UNC5C: variants seen among roughly 807,000 people sequenced by gnomAD.
UNC5C encodes netrin receptor UNC5C.
Under a neutral mutation model 99.8 loss-of-function variants are expected in UNC5C, and 47 were observed. That is an observed-to-expected ratio of 0.47 (90% CI 0.37 to 0.60). The LOEUF (loss-of-function observed/expected upper bound fraction) is 0.60. Ranked by LOEUF, UNC5C falls within the 20% of genes least tolerant of loss-of-function variation. UNC5C has a pLI of 0.00. For missense variants in UNC5C, 1,062 were observed against 1,165.9 expected, an observed-to-expected ratio of 0.91 and a Z score of 1.30; for synonymous variants, 487 against 452.2, an observed-to-expected ratio of 1.08 and a Z score of -0.98.
chr4:95,295,350 T>C (rs953245414), intron 3 of UNC5C, among the ~76,000 whole-genome samples: 3 of 152,202 alleles, frequency 2.0e-5, no homozygotes, highest in African/African-American at 7.2e-5. Context: ...CTAGGAAATT[T>C]GGCACTGCTG....
Position 95,420,895 on chromosome 4 carries a change from A to G in UNC5C, c.125-85264T>C, listed in dbSNP as rs546843347. Reference sequence around the variant, plus strand: ...TGCTTTGATCAAATTCTATAAAATCATGGGATTAGCACTTAAGATTATGAA... The same window carrying G: ...TGCTTTGATCAAATTCTATAAAATCGTGGGATTAGCACTTAAGATTATGAA... On this transcript the variant is annotated intron_variant, in intron 1 of 15. Transcript: ENST00000453304. 6.6e-5 allele frequency among the ~76,000 whole-genome samples: 10 copies of G among 152,334 alleles called. No homozygotes were observed. The South Asian group carries it at 2.1e-3, about 32-fold the overall frequency.
chr4:95,389,545 T>C (rs767931681), intron 1 of UNC5C, among the ~76,000 whole-genome samples: 20 of 152,242 alleles, frequency 1.3e-4, no homozygotes, highest in Admixed American at 2.6e-4. Flanking sequence ...ATATAACTTA[T>C]TAACTGAATT....
chr4:95,308,703 G>C (rs1742149500), intron 2 of UNC5C, among the ~76,000 whole-genome samples: 1 of 121,106 alleles, frequency 8.3e-6, no homozygotes, highest in Non-Finnish European at 1.6e-5. Flanking sequence ...AGTGATTCGA[G>C]ATTGTGCCAC....
At chr4:95,366,616 G>A (rs544398638) in intron 1 of UNC5C, among the ~76,000 whole-genome samples, 1 of 152,192 alleles carries the variant, frequency 6.6e-6, no homozygotes, top group East Asian at 1.9e-4. Flanking sequence ...GCAATTATTG[G>A]TAGGACCTTT....
chr4:95,424,523 T>C (rs924212412), intron 1 of UNC5C, among the ~76,000 whole-genome samples: 148 of 128,630 alleles, frequency 1.2e-3, no homozygotes, highest in East Asian at 0.011. Context: ...CTTTTCTTTT[T>C]TTTTTTTTTT....
intron 1 of UNC5C, among the ~76,000 whole-genome samples, chr4:95,543,779 G>A (rs989726712): frequency 4.6e-5 from 7 of 152,120 alleles, no homozygotes; most frequent in Admixed American, 2.6e-4. Flanking sequence ...GACTTAACTG[G>A]GAGTGACTTA....
chr4:95,498,413 T>A (rs556762568), intron 1 of UNC5C, among the ~76,000 whole-genome samples: 28 of 152,098 alleles, frequency 1.8e-4, no homozygotes, highest in Non-Finnish European at 3.8e-4. Context: ...GTACTTAAAA[T>A]TAAACATTTT....
At chr4:95,373,536 C>T (rs960325197) in intron 1 of UNC5C, among the ~76,000 whole-genome samples, 1 of 152,122 alleles carries the variant, frequency 6.6e-6, no homozygotes. Context: ...TATCCCTGCC[C>T]AATACTGTGG....
In UNC5C at chr4:95,165,448, C is replaced by G. The variant is rs1735824505; in HGVS notation, c.*3786G>C. On this transcript the variant is annotated 3_prime_UTR_variant, in exon 16 of 16. Transcript: ENST00000453304. ...GAGGTGACTGTTCATTTGGAAGATG[C>G]CGTTTGTGAAACAGCTGTTAGCTGT... The G allele has an allele frequency of 2.0e-5, 3 of 152,148 alleles. No individual in the cohort carries two copies. The highest frequency in any genetic ancestry group is 7.2e-5 in the African/African-American group (3 of 41,416). The allele number at this position is 152,148 out of a possible 1,614,324, so 9.4% of individuals were successfully genotyped here. A position where few individuals can be genotyped will look rare whatever the true frequency, so the allele number is the denominator to read the frequency against.
chr4:95,260,227 A>G (rs903628341), intron 4 of UNC5C, among the ~76,000 whole-genome samples: 2 of 152,240 alleles, frequency 1.3e-5, no homozygotes, highest in African/African-American at 4.8e-5. Flanking sequence ...TAATTGCCAC[A>G]TGCAAAACGA....
At chr4:95,377,327 T>A (rs1167201225) in intron 1 of UNC5C, among the ~76,000 whole-genome samples, 1 of 152,206 alleles carries the variant, frequency 6.6e-6, no homozygotes, top group Non-Finnish European at 1.5e-5. Context: ...TTCAAATAAA[T>A]GATTTTCCCT....
intron 1 of UNC5C, among the ~76,000 whole-genome samples, chr4:95,373,135 G>C (rs933404007): frequency 6.6e-6 from 1 of 152,066 alleles, no homozygotes; most frequent in African/African-American, 2.4e-5. Flanking sequence ...CTCCTTGCAG[G>C]TTTCCTTGTT....
rs1180330785 is a variant in UNC5C at position 95,536,082 on chromosome 4, A to ATATATATATTTTT, written c.124+12651_124+12652insAAAAATATATATA. ...CATACATATATATATATATATATAT[A>ATATATATATTTTT]TTTTTTTTTTTTGAGATGGAGTCTC... On this transcript the variant is annotated intron_variant, in intron 1 of 15. Transcript: ENST00000453304. Among the ~76,000 whole-genome samples the ATATATATATTTTT allele has an allele frequency of 1.8e-4, 14 of 78,452 alleles. 1 individual carries two copies. The East Asian group carries it at 3.4e-3, about 19-fold the overall frequency. 51.5% of individuals were successfully genotyped at this position (78,452 alleles called of 152,430 possible).
At chr4:95,440,932 A>G (rs928453724) in intron 1 of UNC5C, among the ~76,000 whole-genome samples, 1 of 152,034 alleles carries the variant, frequency 6.6e-6, no homozygotes, top group Non-Finnish European at 1.5e-5. Context: ...TAACAATGCT[A>G]TTTCTGCATT....
At chr4:95,208,677 T>C (rs976225195) in intron 10 of UNC5C, among the ~76,000 whole-genome samples, 30 of 152,200 alleles carry the variant, frequency 2.0e-4, no homozygotes, top group African/African-American at 7.0e-4. Flanking sequence ...CTCTTTCCAG[T>C]CTGATATCAA....
intron 2 of UNC5C, among the ~76,000 whole-genome samples, chr4:95,312,833 A>G (rs1425051800): frequency 6.6e-6 from 1 of 152,188 alleles, no homozygotes; most frequent in East Asian, 1.9e-4. Context: ...TTTAGTACAG[A>G]TTAGCATCAT....
chr4:95,451,283 C>G (rs1747272863), intron 1 of UNC5C, among the ~76,000 whole-genome samples: 1 of 152,192 alleles, frequency 6.6e-6, no homozygotes, highest in Non-Finnish European at 1.5e-5. Flanking sequence ...AAGCCCACCA[C>G]AGCAGCTTGA....
In UNC5C at chr4:95,171,430, C is replaced by G. The variant is rs371212851; in HGVS notation, c.2452-1098G>C. ...AACAGTCCCCAGAGTGTGATGTTCC[C>G]CTTCCTGTGTCCATGTGTTCTCATT... On this transcript the variant is annotated intron_variant, in intron 14 of 15. Coordinates refer to ENST00000453304, the MANE Select transcript of UNC5C (RefSeq NM_003728.4). Among the ~76,000 whole-genome samples, 5 of 149,378 alleles carry G rather than the reference C, an allele frequency of 3.3e-5. 1 individual carries two copies. Among genetic ancestry groups the G allele is most frequent in the African/African-American group, 1.2e-4 (5 of 40,324 alleles).
chr4:95,536,658 T>C (rs562956384), intron 1 of UNC5C, among the ~76,000 whole-genome samples: 1 of 152,250 alleles, frequency 6.6e-6, no homozygotes, highest in South Asian at 2.1e-4. Flanking sequence ...TTAAGTTTTA[T>C]GCAATACAAA....
Sources: allele counts gnomAD v4.1 joint callset (sites outside exome capture counted in the v4.1 genomes callset), GRCh38; gene constraint gnomAD v4.1.1; transcripts MANE v1.5; gene names NCBI Gene and HGNC (gene_info 2026-07-23, HGNC 2026-07-21).